The following ADRA1B variants were observed in gnomAD, a reference collection of about 807,000 sequenced individuals.
ADRA1B encodes the protein alpha-1B adrenergic receptor.
In ADRA1B, 17 loss-of-function variants were observed where a neutral mutation model predicts 17.9. The ratio of observed to expected loss-of-function variants is 0.95; its 90% CI spans 0.65 to 1.42. ADRA1B has a LOEUF of 1.42. Ranked by LOEUF, ADRA1B falls within the 40% of genes most tolerant of loss-of-function variation. The probability of loss-of-function intolerance (pLI) is 0.00; values close to 1 mark genes in which losing one functional copy is unlikely to be tolerated. For synonymous variants in ADRA1B, 366 were observed against 327.6 expected, an observed-to-expected ratio of 1.12 and a Z score of -1.27; for missense variants, 681 against 722.1, an observed-to-expected ratio of 0.94 and a Z score of 0.65.
intron 1 of ADRA1B, among the ~76,000 whole-genome samples, chr5:159,936,592 T>C (rs1414888568): frequency 1.3e-4 from 20 of 152,156 alleles, no homozygotes; most frequent in Admixed American, 1.3e-3. Context: ...CTATCTTCTC[T>C]TTGCTCTCCG....
the ADRA1B span, among the ~76,000 whole-genome samples, chr5:159,981,732 G>A: frequency 6.6e-6 from 1 of 152,104 alleles, no homozygotes; most frequent in Non-Finnish European, 1.5e-5. Context: ...TCCTGACCTT[G>A]TGATCCGCCC....
At chr5:159,948,524 T>C in intron 1 of ADRA1B, 3 of 951,120 alleles carry the variant, frequency 3.2e-6, no homozygotes, top group Non-Finnish European at 3.8e-6. Flanking sequence ...GTTTTCATTG[T>C]AGAAAATTTA....
chr5:159,925,980 C>T (rs955349077), intron 1 of ADRA1B, among the ~76,000 whole-genome samples: 3 of 152,134 alleles, frequency 2.0e-5, no homozygotes, highest in Non-Finnish European at 2.9e-5. Context: ...TCTCCAGCAA[C>T]CTCGTGACTG....
chr5:159,923,550 A>C (rs1203715867), intron 1 of ADRA1B, among the ~76,000 whole-genome samples: 8 of 152,276 alleles, frequency 5.3e-5, no homozygotes, highest in Non-Finnish European at 1.0e-4. Flanking sequence ...GAAGGGGAAC[A>C]GAGTGGGAAG....
At chr5:159,907,041 T>G (rs2113128501) in intron 1 of ADRA1B, among the ~76,000 whole-genome samples, 1 of 152,296 alleles carries the variant, frequency 6.6e-6, no homozygotes, top group East Asian at 1.9e-4. Context: ...TGAGATGATT[T>G]ATAGCCTTCG....
chr5:159,906,285 A>G (rs1754160290), intron 1 of ADRA1B, among the ~76,000 whole-genome samples: 1 of 152,008 alleles, frequency 6.6e-6, no homozygotes, highest in African/African-American at 2.4e-5. Flanking sequence ...AACCCTCTCT[A>G]TAGACATTCA....
chr5:159,950,552 C>T (rs575560404), intron 1 of ADRA1B: 13 of 1,490,280 alleles, frequency 8.7e-6, no homozygotes, highest in Non-Finnish European at 1.2e-5. Flanking sequence ...TAGCCAAATT[C>T]GTTGTCATAC....
intron 1 of ADRA1B, among the ~76,000 whole-genome samples, chr5:159,867,205 C>T (rs529285307): frequency 4.6e-5 from 7 of 152,268 alleles, no homozygotes; most frequent in Non-Finnish European, 1.0e-4. Context: ...TGCCTTGAAC[C>T]CTGAATTCTA....
At chr5:159,958,412 T>G (rs1011651132) in intron 1 of ADRA1B, among the ~76,000 whole-genome samples, 1 of 152,222 alleles carries the variant, frequency 6.6e-6, no homozygotes, top group Non-Finnish European at 1.5e-5. Flanking sequence ...TCATTGATCT[T>G]TCTTCTGCCT....
At chr5:159,965,338 C>A (rs1328051205) in intron 1 of ADRA1B, among the ~76,000 whole-genome samples, 1 of 152,174 alleles carries the variant, frequency 6.6e-6, no homozygotes, top group East Asian at 1.9e-4. Flanking sequence ...GGCTCAGGGC[C>A]AGGCTCGGGA....
chr5:159,917,449 C>T lies in ADRA1B; in HGVS notation c.544C>T (p.Leu182Phe). ...LSTVISIGPL[L>F]GWKEPAPNDD... The stretch of plus-strand genomic sequence containing the variant: ...CACCGTCATCTCCATCGGGCCTCTC[C>T]TTGGGTGGAAGGAGCCGGCACCCAA... The change falls in exon 1 of 2, where the codon CTT becomes TTT. Residue 182 changes from leucine to phenylalanine, a missense_variant. This residue lies in a region of ADRA1B where 424 missense variants were observed against 480.2 expected (regional missense o/e 0.88). Transcript: ENST00000306675. 6.2e-7 allele frequency: 1 copy of T among 1,614,200 alleles called. No individual in the cohort carries two copies. The highest frequency in any genetic ancestry group is 8.5e-7 in the Non-Finnish European group (1 of 1,180,036).
intron 1 of ADRA1B, among the ~76,000 whole-genome samples, chr5:159,883,833 T>C (rs887429055): frequency 6.6e-6 from 1 of 152,224 alleles, no homozygotes; most frequent in East Asian, 1.9e-4. Context: ...ACTCCCATGG[T>C]GCTGAATATC....
chr5:159,925,832 G>A (rs562424039), intron 1 of ADRA1B, among the ~76,000 whole-genome samples: 19 of 152,300 alleles, frequency 1.2e-4, no homozygotes, highest in South Asian at 4.1e-4. Flanking sequence ...ATTTAAATAA[G>A]GGGAATAACC....
At chr5:159,969,652 A>T (rs1464886214) in intron 1 of ADRA1B, among the ~76,000 whole-genome samples, 1 of 152,242 alleles carries the variant, frequency 6.6e-6, no homozygotes, top group African/African-American at 2.4e-5. Flanking sequence ...CCCAAAGACC[A>T]GGCCCTTGGG....
chr5:159,964,662 A>G (rs1272500862), intron 1 of ADRA1B, among the ~76,000 whole-genome samples: 1 of 152,200 alleles, frequency 6.6e-6, no homozygotes, highest in Non-Finnish European at 1.5e-5. Context: ...CCTAACCAAG[A>G]AAATATAGGA....
intron 1 of ADRA1B, among the ~76,000 whole-genome samples, chr5:159,873,989 T>C (rs1025076398): frequency 3.9e-5 from 6 of 152,274 alleles, no homozygotes; most frequent in Admixed American, 3.3e-4. Flanking sequence ...GGGCAGAAAA[T>C]GTCTTCTGGA....
chr5:159,971,074 T>A (rs755062800), intron 1 of ADRA1B, among the ~76,000 whole-genome samples: 2 of 152,252 alleles, frequency 1.3e-5, no homozygotes, highest in Non-Finnish European at 2.9e-5. Flanking sequence ...AGTGCTGGGA[T>A]TACAGGCATG....
At position 159,872,946 on chromosome 5, in the gene ADRA1B, C is replaced by A. The variant is rs1753764553; in HGVS notation, c.-256+7740C>A. Reference sequence around the variant, plus strand: ...CCCTTGCCCCCCACCCCCAAACAGGCCCCAGTGTGTGATGTTCCCCTCCCT... The same window carrying A: ...CCCTTGCCCCCCACCCCCAAACAGGACCCAGTGTGTGATGTTCCCCTCCCT... On this transcript the variant is annotated intron_variant, in intron 1 of 2. Transcript: ENST00000641205. Among the ~76,000 whole-genome samples, 3 of 139,828 alleles carry A rather than the reference C, an allele frequency of 2.1e-5. 1 individual carries two copies. The highest frequency in any genetic ancestry group is 4.6e-4 in the South Asian group (2 of 4,378). 91.7% of individuals were successfully genotyped at this position (139,828 alleles called of 152,430 possible).
At chr5:159,963,280 CA>C (rs968705358) in intron 1 of ADRA1B, among the ~76,000 whole-genome samples, 1 of 97,728 alleles carries the variant, frequency 1.0e-5, no homozygotes, top group South Asian at 3.9e-4. Context: ...AGTGAATAAA[CA>C]AAAAAAGTAT....
Sources: allele counts gnomAD v4.1 joint callset (sites outside exome capture counted in the v4.1 genomes callset), GRCh38; gene constraint gnomAD v4.1.1; regional missense constraint gnomAD v4.1.1; transcripts MANE v1.5; gene names NCBI Gene and HGNC (gene_info 2026-07-23, HGNC 2026-07-21).